The following TNFRSF13B variants were observed in gnomAD, a reference collection of about 807,000 sequenced individuals.
TNFRSF13B encodes tumor necrosis factor receptor superfamily member 13B.
TNFRSF13B carries 34 observed loss-of-function variants against 24.0 expected under a neutral mutation model. The observed-to-expected ratio is 1.41, with a 90% CI of 1.08 to 1.88. The LOEUF (loss-of-function observed/expected upper bound fraction) is 1.88. Ranked by LOEUF, TNFRSF13B falls within the 40% of genes most tolerant of loss-of-function variation. The pLI, the probability that TNFRSF13B is intolerant of heterozygous loss-of-function variation, is 0.00. For synonymous variants in TNFRSF13B, 173 were observed against 150.3 expected (o/e 1.15, Z -1.10); for missense variants, 415 against 380.8 (o/e 1.09, Z -0.75).
At chr17:16,968,237 T>A (rs1300341610) in intron 1 of TNFRSF13B, among the ~76,000 whole-genome samples, 1 of 149,078 alleles carries the variant, frequency 6.7e-6, no homozygotes, top group Non-Finnish European at 1.5e-5. Flanking sequence ...TTTAAATAAA[T>A]GGAAAGCCAT....
chr17:16,955,383 A>G (rs543875740), intron 1 of TNFRSF13B, among the ~76,000 whole-genome samples: 104 of 152,400 alleles, frequency 6.8e-4, no homozygotes, highest in Non-Finnish European at 1.2e-3. Context: ...TCTAAGAAAC[A>G]AAACAGCAGA....
At position 16,940,308 on chromosome 17, in the gene TNFRSF13B, CCA is replaced by C; in HGVS notation, c.631+16_631+17del. ...CCAAGCAGCGAGAAGGGCGAGGACCCCAGTTTCATGCACTCACCCTGGGAAGA... is the reference window on the plus strand; with the variant it reads ...CCAAGCAGCGAGAAGGGCGAGGACCCGTTTCATGCACTCACCCTGGGAAGA... On this transcript the variant is annotated intron_variant, in intron 4 of 4. Coordinates refer to ENST00000261652, the MANE Select transcript of TNFRSF13B (RefSeq NM_012452.3). 6.2e-7 allele frequency: 1 copy of C among 1,612,542 alleles called. No individual in the cohort carries two copies. Among genetic ancestry groups the C allele is most frequent in the Non-Finnish European group, 8.5e-7 (1 of 1,179,898 alleles).
rs777407071 is a variant in TNFRSF13B, at chr17:16,939,701, TC to T, written c.727del (p.Glu243ArgfsTer81). Reference protein sequence around the residue: ...CFPECRAPTQESAVTPGTPDP... With the variant: ...CFPECRAPTQXSAVTPGTPDP... ...GGGGGTCCCAGGCGTGACTGCGCTCTCCTGCGTGGGCGCCCTGCACTCAGGG... is the reference window on the plus strand; with the variant it reads ...GGGGGTCCCAGGCGTGACTGCGCTCTCTGCGTGGGCGCCCTGCACTCAGGG... On this transcript the variant is annotated frameshift_variant, in exon 5 of 5. Coordinates refer to ENST00000261652, the MANE Select transcript of TNFRSF13B (RefSeq NM_012452.3). LOFTEE classifies it low-confidence loss of function (END_TRUNC). The T allele has an allele frequency of 3.1e-6, 5 of 1,607,382 alleles. No individual in the cohort carries two copies. Among genetic ancestry groups the T allele is most frequent in the Admixed American group, 1.7e-5 (1 of 59,688 alleles).
intron 3 of TNFRSF13B, among the ~76,000 whole-genome samples, chr17:16,945,082 A>T (rs2087537851): frequency 6.6e-6 from 1 of 152,198 alleles, no homozygotes; most frequent in Non-Finnish European, 1.5e-5. Flanking sequence ...CCCCTGGAGA[A>T]ATAAAGGGCA....
chr17:16,946,928 T>C (rs1451101598), intron 3 of TNFRSF13B, among the ~76,000 whole-genome samples: 2 of 152,218 alleles, frequency 1.3e-5, no homozygotes, highest in Non-Finnish European at 1.5e-5. Flanking sequence ...CAGTTGTTAA[T>C]GAACTACTTA....
At chr17:16,962,512 C>A (rs555678467) in intron 1 of TNFRSF13B, among the ~76,000 whole-genome samples, 3 of 150,356 alleles carry the variant, frequency 2.0e-5, no homozygotes, top group East Asian at 1.9e-4. Flanking sequence ...GTCTCCCCCC[C>A]CAAAAAAAAA....
In TNFRSF13B at chr17:16,939,762, A is replaced by T. The variant is rs1023341361; in HGVS notation, c.667T>A (p.Ser223Thr). 1.2e-6 allele frequency: 2 copies of T among 1,610,614 alleles called. No homozygotes were observed. The highest frequency in any genetic ancestry group is 1.7e-6 in the Non-Finnish European group (2 of 1,178,588). ...AMEAGSPVST[S>T]PEPVETCSFC... Reference sequence around the variant, plus strand: ...CTGCAGGTCTCCACTGGCTCGGGGGATGTGCTCACAGGGCTGCCGGCTTCC... The same window carrying T: ...CTGCAGGTCTCCACTGGCTCGGGGGTTGTGCTCACAGGGCTGCCGGCTTCC... Residue 223 changes from serine (S) to threonine (T), a missense_variant, in exon 5 of 5, where the codon TCC becomes ACC. By Grantham distance (58) the Ser-to-Thr change is moderately conservative (BLOSUM62 1). Transcript: ENST00000261652.
At chr17:16,952,879 G>A (rs1027294138) in intron 1 of TNFRSF13B, among the ~76,000 whole-genome samples, 4 of 152,030 alleles carry the variant, frequency 2.6e-5, no homozygotes, top group Admixed American at 6.6e-5. Context: ...CCTCCTTAAC[G>A]TGCCACGCCT....
At chr17:16,953,981 G>A (rs1272940649) in intron 1 of TNFRSF13B, among the ~76,000 whole-genome samples, 1 of 152,184 alleles carries the variant, frequency 6.6e-6, no homozygotes, top group African/African-American at 2.4e-5. Flanking sequence ...TGGCCAGTCT[G>A]GTCTCAAACT....
chr17:16,944,739 T>G (rs1016367928), intron 3 of TNFRSF13B, among the ~76,000 whole-genome samples: 31 of 152,206 alleles, frequency 2.0e-4, no homozygotes, highest in African/African-American at 7.0e-4. Flanking sequence ...CAGTTCCAGG[T>G]CCCACTAAGG....
chr17:16,952,361 A>G, intron 2 of TNFRSF13B, 85 bp downstream of exon 2: 1 of 1,597,872 alleles, frequency 6.3e-7, no homozygotes, highest in Non-Finnish European at 8.5e-7. Context: ...TTCCTCAGCC[A>G]CCTGACTGTG....
chr17:16,948,718 G>C lies in TNFRSF13B; in HGVS notation c.445+20C>G. The C allele has an allele frequency of 6.2e-7, 1 of 1,613,376 alleles. No individual in the cohort carries two copies. The highest frequency in any genetic ancestry group is 8.5e-7 in the Non-Finnish European group (1 of 1,180,024). On this transcript the variant is annotated intron_variant, in intron 3 of 4. Coordinates refer to ENST00000261652, the MANE Select transcript of TNFRSF13B (RefSeq NM_012452.3). ...TCTCACCCTGCGTGACACCATGCAG[G>C]TTTGCCTTGGGTGGCTTACCTGGAC...
In TNFRSF13B at chr17:16,948,879, A is replaced by G. The variant is rs767933010; in HGVS notation, c.304T>C (p.Tyr102His). The change falls in exon 3 of 5, where the codon TAC becomes CAC. Residue 102 changes from tyrosine (Y) to histidine (H), a missense_variant. Physicochemically the swap from Tyr to His is moderately conservative, Grantham distance 83. Coordinates refer to ENST00000261652, the MANE Select transcript of TNFRSF13B (RefSeq NM_012452.3). ...ICGQHPKQCA[Y>H]FCENKLRSPV... is the part of the protein sequence containing the mutation. ...CTCCTGAGCTTGTTCTCACAGAAGT[A>G]TGCACATTGCTTAGGGTGCTGTCCA... 2 of 1,614,132 alleles carry G rather than the reference A, an allele frequency of 1.2e-6. No homozygotes were observed. Among genetic ancestry groups the G allele is most frequent in the Non-Finnish European group, 1.7e-6 (2 of 1,180,052 alleles).
At chr17:16,962,968 A>T (rs947359492) in intron 1 of TNFRSF13B, among the ~76,000 whole-genome samples, 2 of 152,196 alleles carry the variant, frequency 1.3e-5, no homozygotes, top group Non-Finnish European at 2.9e-5. Context: ...AAGGACCAGC[A>T]GGGGGAGTGG....
intron 3 of TNFRSF13B, among the ~76,000 whole-genome samples, chr17:16,942,248 C>T (rs905164371): frequency 6.6e-6 from 1 of 152,202 alleles, no homozygotes; most frequent in Non-Finnish European, 1.5e-5. Flanking sequence ...ATATTGTTCT[C>T]GGTCTTAGAC....
chr17:16,947,053 C>G (rs1161082939), intron 3 of TNFRSF13B, among the ~76,000 whole-genome samples: 3 of 152,176 alleles, frequency 2.0e-5, no homozygotes, highest in African/African-American at 7.2e-5. Flanking sequence ...AGAGCTGGTA[C>G]CAATTCTACT....
At chr17:16,940,621 G>C in intron 3 of TNFRSF13B, 110 bp from the exon 4 acceptor site, 1 of 1,528,858 alleles carries the variant, frequency 6.5e-7, no homozygotes, top group East Asian at 2.5e-5. Context: ...TCTGGCTCCT[G>C]GAGAGGCTGG....
chr17:16,941,083 T>C (rs2087506790), intron 3 of TNFRSF13B: 1 of 574,574 alleles, frequency 1.7e-6, no homozygotes, highest in South Asian at 6.7e-5. Context: ...CCAAATACAA[T>C]ATAGATGCCA....
rs372882364 is a variant in TNFRSF13B, at chr17:16,958,472, A to G, written c.62-5889T>C. 7.8e-4 allele frequency among the ~76,000 whole-genome samples: 118 copies of G among 152,102 alleles called. 1 individual carries two copies. The highest frequency in any genetic ancestry group is 1.7e-3 in the Admixed American group (26 of 15,284). On this transcript the variant is annotated intron_variant, in intron 1 of 4. Transcript: ENST00000261652. ...CACAGGCTTCATGTATATTCAGTGTATAAGAGACTTACTTTAGATTAAAAA... is the reference window on the plus strand; with the variant it reads ...CACAGGCTTCATGTATATTCAGTGTGTAAGAGACTTACTTTAGATTAAAAA...
Sources: allele counts gnomAD v4.1 joint callset (sites outside exome capture counted in the v4.1 genomes callset), GRCh38; gene constraint gnomAD v4.1.1; transcripts MANE v1.5; gene names NCBI Gene and HGNC (gene_info 2026-07-23, HGNC 2026-07-21).